Variants in TAFA5 observed in about 807,000 individuals in gnomAD.
The protein encoded by TAFA5 is TAFA chemokine like family member 5, also known as chemokine-like protein TAFA-5.
In TAFA5, 6 loss-of-function variants were observed where a neutral mutation model predicts 15.3. That is an observed-to-expected ratio of 0.39 (90% confidence interval 0.21 to 0.77). TAFA5 has a LOEUF of 0.77. Among genes scored for constraint, TAFA5 ranks in the 30% least tolerant of loss-of-function variants. TAFA5 has a pLI of 0.41. For missense variants in TAFA5, 161 were observed against 193.1 expected, an observed-to-expected ratio of 0.83 and a Z score of 0.98; for synonymous variants, 103 against 80.7, an observed-to-expected ratio of 1.28 and a Z score of -1.48.
intron 3 of TAFA5, among the ~76,000 whole-genome samples, chr22:48,714,400 T>G (rs146167056): frequency 1.3e-3 from 197 of 152,266 alleles, no homozygotes; most frequent in Middle Eastern, 3.4e-3. Context: ...TGCAGGGCAG[T>G]GCTGACGGCC....
chr22:48,561,440 C>T (rs1923226133), intron 1 of TAFA5, among the ~76,000 whole-genome samples: 1 of 152,160 alleles, frequency 6.6e-6, no homozygotes, highest in African/African-American at 2.4e-5. Flanking sequence ...ACATGGTGTC[C>T]TCAGCAGGGG....
At chr22:48,729,161 A>G in intron 3 of TAFA5, among the ~76,000 whole-genome samples, 1 of 151,434 alleles carries the variant, frequency 6.6e-6, no homozygotes, top group South Asian at 2.1e-4. Flanking sequence ...TTAAAATATT[A>G]AGTGTTCAGG....
chr22:48,611,570 G>A (rs977952662), intron 1 of TAFA5, among the ~76,000 whole-genome samples: 3 of 151,964 alleles, frequency 2.0e-5, no homozygotes, highest in Non-Finnish European at 4.4e-5. Context: ...GCTCGTGAGA[G>A]TCTGTGTTTA....
chr22:48,503,951 G>C (rs530648350), intron 1 of TAFA5, among the ~76,000 whole-genome samples: 7 of 152,290 alleles, frequency 4.6e-5, no homozygotes, highest in Admixed American at 1.3e-4. Flanking sequence ...TTGTCACCCA[G>C]GACCACACAC....
intron 3 of TAFA5, among the ~76,000 whole-genome samples, chr22:48,720,982 C>T (rs889822972): frequency 6.6e-6 from 1 of 152,194 alleles, no homozygotes; most frequent in Non-Finnish European, 1.5e-5. Context: ...CACGTGAAGA[C>T]CCCGGATGAG....
At chr22:48,732,345 C>T (rs923796728) in intron 3 of TAFA5, among the ~76,000 whole-genome samples, 1 of 152,186 alleles carries the variant, frequency 6.6e-6, no homozygotes, top group Non-Finnish European at 1.5e-5. Context: ...CAAGCTCCGC[C>T]TCCCGGGTTC....
rs998511383 is a variant in TAFA5 at position 48,550,403 on chromosome 22, G to A, written c.112+60699G>A. 2.0e-5 allele frequency among the ~76,000 whole-genome samples: 3 copies of A among 152,208 alleles called. No homozygotes were observed. The highest frequency in any genetic ancestry group is 1.9e-4 in the East Asian group (1 of 5,194). On this transcript the variant is annotated intron_variant, in intron 1 of 3. Transcript: ENST00000402357. The surrounding 1 kb of genome is among the most constrained non-coding windows in gnomAD (Gnocchi z 4.1). Reference sequence around the variant, plus strand: ...CATGCACCTTTCCCACAGACTGGTCGGAGGTGCCCAGCAGGACCCTGGATG... The same window carrying A: ...CATGCACCTTTCCCACAGACTGGTCAGAGGTGCCCAGCAGGACCCTGGATG...
chr22:48,563,031 G>T (rs563961902), intron 1 of TAFA5, among the ~76,000 whole-genome samples: 1 of 152,192 alleles, frequency 6.6e-6, no homozygotes, highest in African/African-American at 2.4e-5. Flanking sequence ...GGACCGAGCC[G>T]CCCGCTTGCT....
chr22:48,509,950 C>CAA (rs144036099), intron 1 of TAFA5, among the ~76,000 whole-genome samples: 16 of 91,262 alleles, frequency 1.8e-4, no homozygotes, highest in African/African-American at 7.8e-4. Flanking sequence ...GAATCTGTCT[C>CAA]AAAAAAAAAA....
intron 1 of TAFA5, among the ~76,000 whole-genome samples, chr22:48,612,507 G>C (rs28581881): frequency 6.6e-6 from 1 of 152,054 alleles, no homozygotes; most frequent in Non-Finnish European, 1.5e-5. Context: ...AGGTGGCCTC[G>C]TCTCTCCTGG....
At chr22:48,504,663 C>A (rs907287451) in intron 1 of TAFA5, among the ~76,000 whole-genome samples, 3 of 152,198 alleles carry the variant, frequency 2.0e-5, no homozygotes, top group African/African-American at 7.2e-5. Context: ...GCTCACCTGC[C>A]CCACAGCCAG....
At chr22:48,506,546 A>C (rs1463038675) in intron 1 of TAFA5, among the ~76,000 whole-genome samples, 1 of 152,088 alleles carries the variant, frequency 6.6e-6, no homozygotes, top group Non-Finnish European at 1.5e-5. Context: ...CCTTTGGAGG[A>C]TAGGAGCTGG....
At chr22:48,503,145 G>A (rs1457473032) in intron 1 of TAFA5, among the ~76,000 whole-genome samples, 1 of 152,216 alleles carries the variant, frequency 6.6e-6, no homozygotes, top group African/African-American at 2.4e-5. Flanking sequence ...CTGCCTGTGT[G>A]AGGAGGTCTG....
intron 1 of TAFA5, among the ~76,000 whole-genome samples, chr22:48,621,912 T>A (rs1376456461): frequency 6.6e-6 from 1 of 152,150 alleles, no homozygotes; most frequent in Non-Finnish European, 1.5e-5. Flanking sequence ...TTTGTGCCTC[T>A]GGAGGTGGCT....
At chr22:48,628,540 G>A (rs958135718) in intron 1 of TAFA5, among the ~76,000 whole-genome samples, 3 of 152,202 alleles carry the variant, frequency 2.0e-5, no homozygotes, top group Non-Finnish European at 4.4e-5. Context: ...TGCTAAGGAG[G>A]GCATAGACGG....
chr22:48,698,376 G>A (rs1033003122), intron 2 of TAFA5, among the ~76,000 whole-genome samples: 7 of 149,042 alleles, frequency 4.7e-5, no homozygotes, highest in Admixed American at 1.3e-4. Context: ...CCAAGGGAAG[G>A]GAATCAGTTG....
intron 1 of TAFA5, among the ~76,000 whole-genome samples, chr22:48,551,877 G>A (rs996834885): frequency 1.3e-5 from 2 of 152,204 alleles, no homozygotes; most frequent in Non-Finnish European, 2.9e-5. Context: ...GCAAGTGTGG[G>A]TGTGGCCGCT....
At chr22:48,639,290 C>T (rs1022388414) in intron 1 of TAFA5, among the ~76,000 whole-genome samples, 1 of 152,340 alleles carries the variant, frequency 6.6e-6, no homozygotes, top group Non-Finnish European at 1.5e-5. Context: ...CTCAGGCCTG[C>T]GGGGCCCCTC....
chr22:48,550,745 C>A lies in TAFA5; in HGVS notation c.112+61041C>A, dbSNP rs1017776735. On this transcript the variant is annotated intron_variant, in intron 1 of 3. Coordinates refer to ENST00000402357, the MANE Select transcript of TAFA5 (RefSeq NM_001082967.3). The surrounding 1 kb of genome is among the most constrained non-coding windows in gnomAD (Gnocchi z 4.1). ...GACAAGGTACATCCTGATCCAGGGC[C>A]CCCTACTCTGATCCACGGGTGTCTG... Among the ~76,000 whole-genome samples, 2 of 152,012 alleles carry A rather than the reference C, an allele frequency of 1.3e-5. No homozygotes were observed. The highest frequency in any genetic ancestry group is 2.4e-5 in the African/African-American group (1 of 41,386).
Sources: allele counts gnomAD v4.1 joint callset (sites outside exome capture counted in the v4.1 genomes callset), GRCh38; gene constraint gnomAD v4.1.1; non-coding constraint Gnocchi (gnomAD v3.1); transcripts MANE v1.5; gene names NCBI Gene and HGNC (gene_info 2026-07-23, HGNC 2026-07-21).